The following LTBP1 variants were observed in gnomAD, a reference collection of about 807,000 sequenced individuals.
LTBP1 encodes the protein latent transforming growth factor beta binding protein 1.
Under a neutral mutation model 207.6 loss-of-function variants are expected in LTBP1, and 129 were observed. The observed-to-expected ratio is 0.62, with a 90% confidence interval of 0.54 to 0.72. LTBP1 has a LOEUF of 0.72. LTBP1 is among the 30% of genes least tolerant of loss of function. The pLI is 0.00. For missense variants in LTBP1, 2,281 were observed against 2,217.2 expected (o/e 1.03, Z -0.58); for synonymous variants, 963 against 833.7 (o/e 1.16, Z -2.67).
At chr2:33,340,817 T>C (rs1427969776) in intron 24 of LTBP1, among the ~76,000 whole-genome samples, 1 of 152,218 alleles carries the variant, frequency 6.6e-6, no homozygotes, top group Admixed American at 6.5e-5. Flanking sequence ...TTGTAGGAAC[T>C]TACCAATGTT....
intron 3 of LTBP1, among the ~76,000 whole-genome samples, chr2:33,042,131 C>T (rs745609277): frequency 3.3e-5 from 5 of 152,134 alleles, no homozygotes; most frequent in African/African-American, 7.2e-5. Context: ...TTTGCATATG[C>T]GTACTTGCCA....
At chr2:33,291,144 A>G (rs2093767230) in intron 19 of LTBP1, among the ~76,000 whole-genome samples, 1 of 152,250 alleles carries the variant, frequency 6.6e-6, no homozygotes, top group South Asian at 2.1e-4. Context: ...AAGTAAAGAA[A>G]GAATAAACAC....
chr2:33,167,876 C>A (rs2085068553), intron 5 of LTBP1, among the ~76,000 whole-genome samples: 2 of 152,172 alleles, frequency 1.3e-5, no homozygotes, highest in Admixed American at 1.3e-4. Flanking sequence ...TAGATTTCTT[C>A]CACTGGTGGT....
In LTBP1 at chr2:33,243,622, G is replaced by A. The variant is rs370346716; in HGVS notation, c.1877-40G>A. The A allele has an allele frequency of 4.4e-6, 7 of 1,608,338 alleles. No individual in the cohort carries two copies. The African/African-American group carries it at 5.4e-5, about 12-fold the overall frequency. Reference sequence around the variant, plus strand: ...TGTATAGCCAGAATCTGCTCAATGGGGCTTGACTGCTCCTTCTAAAGAATT... The same window carrying A: ...TGTATAGCCAGAATCTGCTCAATGGAGCTTGACTGCTCCTTCTAAAGAATT... On this transcript the variant is annotated intron_variant, in intron 9 of 33. Coordinates refer to ENST00000404816, the MANE Select transcript of LTBP1 (RefSeq NM_206943.4).
intron 7 of LTBP1, among the ~76,000 whole-genome samples, chr2:33,205,183 C>G (rs2089743581): frequency 6.6e-6 from 1 of 152,232 alleles, no homozygotes; most frequent in African/African-American, 2.4e-5. Flanking sequence ...GAAGACTCGT[C>G]TTTAGTATCA....
At chr2:32,980,947 A>T (rs532656867) in intron 2 of LTBP1, among the ~76,000 whole-genome samples, 5 of 152,188 alleles carry the variant, frequency 3.3e-5, no homozygotes, top group Admixed American at 2.6e-4. Flanking sequence ...CTGCTGCCAG[A>T]TGTATTGCGC....
At chr2:33,086,570 G>T (rs2078765548) in intron 3 of LTBP1, among the ~76,000 whole-genome samples, 1 of 152,208 alleles carries the variant, frequency 6.6e-6, no homozygotes, top group South Asian at 2.1e-4. Context: ...CTTGATACTA[G>T]TGTGTCGTGT....
intron 21 of LTBP1, 75 bp downstream of exon 21, chr2:33,300,648 G>C (rs558994618): frequency 6.8e-6 from 10 of 1,469,092 alleles, no homozygotes; most frequent in Non-Finnish European, 7.4e-6. Context: ...GCTCAATCAA[G>C]TGAGTTTACC....
At chr2:32,957,117 T>C (rs1176968067) in intron 2 of LTBP1, among the ~76,000 whole-genome samples, 4 of 152,232 alleles carry the variant, frequency 2.6e-5, no homozygotes, top group Non-Finnish European at 5.9e-5. Flanking sequence ...CTGAGATTTT[T>C]AGATTGGTAA....
intron 30 of LTBP1, 50 bp downstream of exon 30, chr2:33,364,406 T>C: frequency 6.4e-7 from 1 of 1,552,136 alleles, no homozygotes; most frequent in Non-Finnish European, 8.7e-7. Flanking sequence ...ATCATAAGAT[T>C]TTCCTTTTAA....
intron 10 of LTBP1, among the ~76,000 whole-genome samples, chr2:33,248,116 G>GGCACC (rs1434158312): frequency 6.6e-6 from 1 of 152,196 alleles, no homozygotes; most frequent in African/African-American, 2.4e-5. Context: ...GAGGTCTCAT[G>GGCACC]GCACCGTGGC....
intron 7 of LTBP1, among the ~76,000 whole-genome samples, chr2:33,199,872 A>G (rs1393895607): frequency 2.0e-5 from 3 of 152,224 alleles, no homozygotes; most frequent in Non-Finnish European, 4.4e-5. Context: ...ACTCCCATTC[A>G]CAATTGCTTC....
At position 32,947,320 on chromosome 2, in the gene LTBP1, C is replaced by T; in HGVS notation, c.-5C>T. On this transcript the variant is annotated 5_prime_UTR_variant, in exon 1 of 34. Transcript: ENST00000404816. ...CGCGACCGGTCGCGCCCGCTGGGGC[C>T]CGCGATGGCGGGGGCCTGGCTCAGG... 1 of 1,234,674 alleles carries T rather than the reference C, an allele frequency of 8.1e-7. No individual in the cohort carries two copies. Among genetic ancestry groups the T allele is most frequent in the Non-Finnish European group, 1.0e-6 (1 of 988,982 alleles). The allele number at this position is 1,234,674 out of a possible 1,614,324, so 76.5% of individuals were successfully genotyped here.
At chr2:33,141,171 T>C (rs1274117855) in intron 5 of LTBP1, among the ~76,000 whole-genome samples, 3 of 152,194 alleles carry the variant, frequency 2.0e-5, no homozygotes, top group Non-Finnish European at 2.9e-5. Context: ...TCAAAGATGC[T>C]AAGTCAAATA....
rs374069072 is a variant in LTBP1, at chr2:33,285,191, G to A, written c.3112+5033G>A. Among the ~76,000 whole-genome samples the A allele has an allele frequency of 2.4e-4, 36 of 151,342 alleles. No homozygotes were observed. In the South Asian group the frequency reaches 2.7e-3, roughly 11 times the overall value. ...CGAGTAGCTGGGATTACAGGTGCCC[G>A]CCACCACGCTTGGCTAATTTTTGTA... On this transcript the variant is annotated intron_variant, in intron 19 of 33. Coordinates refer to ENST00000404816, the MANE Select transcript of LTBP1 (RefSeq NM_206943.4).
chr2:32,977,972 G>T (rs991269420), intron 2 of LTBP1, among the ~76,000 whole-genome samples: 1 of 152,004 alleles, frequency 6.6e-6, no homozygotes, highest in Non-Finnish European at 1.5e-5. Context: ...TTTATTTGTA[G>T]CTATTGTAAT....
intron 27 of LTBP1, 135 bp downstream of exon 27, chr2:33,360,914 GC>G: frequency 1.6e-6 from 1 of 643,736 alleles, no homozygotes; most frequent in Non-Finnish European, 2.7e-6. Context: ...CAGGGCTAGA[GC>G]CAGCACCTGC....
At chr2:33,161,089 C>T (rs1188930858) in intron 5 of LTBP1, among the ~76,000 whole-genome samples, 1 of 152,236 alleles carries the variant, frequency 6.6e-6, no homozygotes, top group Non-Finnish European at 1.5e-5. Flanking sequence ...AAGAATACTA[C>T]ATGTCTCAGA....
At chr2:33,164,289 G>A (rs2084725795) in intron 5 of LTBP1, among the ~76,000 whole-genome samples, 1 of 146,344 alleles carries the variant, frequency 6.8e-6, no homozygotes, top group South Asian at 2.2e-4. Context: ...GGCGGAGGTT[G>A]CAGTGAGCTG....
Sources: allele counts gnomAD v4.1 joint callset (sites outside exome capture counted in the v4.1 genomes callset), GRCh38; gene constraint gnomAD v4.1.1; transcripts MANE v1.5; gene names NCBI Gene and HGNC (gene_info 2026-07-23, HGNC 2026-07-21).